The following ACTR3C variants were observed in gnomAD, a reference collection of about 807,000 sequenced individuals.
ACTR3C encodes actin related protein 3C, also known as actin-related protein 3C.
A neutral mutation model predicts 26.3 loss-of-function variants in ACTR3C; 18 were observed. That is an observed-to-expected ratio of 0.68 (90% confidence interval 0.47 to 1.01). The LOEUF (loss-of-function observed/expected upper bound fraction) is 1.01, where lower values mean the gene tolerates loss of function less well. Among genes scored for constraint, ACTR3C ranks in the 50% least tolerant of loss-of-function variants. ACTR3C has a pLI of 0.00. For synonymous variants in ACTR3C, 55 were observed against 94.5 expected, an observed-to-expected ratio of 0.58 and a Z score of 2.42; for missense variants, 184 against 250.7, an observed-to-expected ratio of 0.73 and a Z score of 1.80.
the ACTR3C span, among the ~76,000 whole-genome samples, chr7:150,016,214 C>G: frequency 4.5e-4 from 68 of 152,098 alleles, no homozygotes; most frequent in Non-Finnish European, 3.5e-4. Context: ...TGGCTCAAGC[C>G]TCCATCAACA....
the ACTR3C span, among the ~76,000 whole-genome samples, chr7:150,086,108 C>CA: frequency 6.6e-6 from 1 of 152,074 alleles, no homozygotes; most frequent in Admixed American, 6.6e-5. Context: ...CTCAGCCTCC[C>CA]AAGTAGCTGG....
intron 6 of ACTR3C, among the ~76,000 whole-genome samples, chr7:150,255,339 A>G (rs1273090670): frequency 1.4e-5 from 2 of 148,064 alleles, no homozygotes; most frequent in Non-Finnish European, 3.0e-5. Context: ...GATGCCCAGC[A>G]TATCTGAACT....
the ACTR3C span, among the ~76,000 whole-genome samples, chr7:150,051,944 T>C: frequency 1.3e-5 from 2 of 152,234 alleles, no homozygotes; most frequent in Non-Finnish European, 2.9e-5. Flanking sequence ...TCTGAGAGAA[T>C]TATATCCTGT....
At chr7:149,966,794 G>C in the ACTR3C span, among the ~76,000 whole-genome samples, 1 of 152,022 alleles carries the variant, frequency 6.6e-6, no homozygotes, top group Non-Finnish European at 1.5e-5. Context: ...GTTCCTCTTT[G>C]TCTTCTAGCT....
chr7:150,195,604 C>T, the ACTR3C span, among the ~76,000 whole-genome samples: 7 of 152,350 alleles, frequency 4.6e-5, no homozygotes, highest in South Asian at 2.1e-4. Flanking sequence ...GGGGGCCAGG[C>T]GTGATAGCTC....
chr7:150,125,591 C>T, the ACTR3C span, among the ~76,000 whole-genome samples: 1 of 151,852 alleles, frequency 6.6e-6, no homozygotes, highest in African/African-American at 2.4e-5. Flanking sequence ...AGGATTCTTG[C>T]TTTTTTTGCA....
rs1836628375 is a variant in ACTR3C at position 150,295,135 on chromosome 7, G to A, written c.45+117C>T. Reference sequence around the variant, plus strand: ...GAATGGCATGGGGACGGGGGAGGGAGTGGAAAAAGGAAGGGCACACAGCGC... The same window carrying A: ...GAATGGCATGGGGACGGGGGAGGGAATGGAAAAAGGAAGGGCACACAGCGC... On this transcript the variant is annotated intron_variant, in intron 2 of 7. Transcript: ENST00000683684. The A allele has an allele frequency of 6.5e-6, 8 of 1,239,910 alleles. No homozygotes were observed. The East Asian group carries it at 1.3e-4, about 20-fold the overall frequency. 76.8% of individuals were successfully genotyped at this position (1,239,910 alleles called of 1,614,324 possible).
chr7:149,954,449 G>T, the ACTR3C span, among the ~76,000 whole-genome samples: 1 of 152,060 alleles, frequency 6.6e-6, no homozygotes, highest in African/African-American at 2.4e-5. Context: ...CACATATTTG[G>T]GGGGACATAT....
the ACTR3C span, among the ~76,000 whole-genome samples, chr7:150,008,054 C>T: frequency 1.3e-5 from 2 of 152,038 alleles, no homozygotes; most frequent in African/African-American, 2.4e-5. Context: ...ACGTCTTAAA[C>T]GAAAGAAAAA....
chr7:150,035,912 C>T, the ACTR3C span, among the ~76,000 whole-genome samples: 769 of 72,518 alleles, frequency 0.011, 34 homozygotes, highest in Middle Eastern at 0.091. Flanking sequence ...CCCACCCTCG[C>T]GGGGGGTGCC....
At chr7:149,968,720 T>C in the ACTR3C span, among the ~76,000 whole-genome samples, 1 of 152,046 alleles carries the variant, frequency 6.6e-6, no homozygotes, top group African/African-American at 2.4e-5. Flanking sequence ...TACGGTCCAA[T>C]AGCCATAGTC....
chr7:149,884,624 A>G, the ACTR3C span, among the ~76,000 whole-genome samples: 38 of 152,170 alleles, frequency 2.5e-4, no homozygotes, highest in Admixed American at 1.2e-3. Context: ...CTTAAGCCAA[A>G]CAAAACAACC....
the ACTR3C span, among the ~76,000 whole-genome samples, chr7:149,899,908 A>AAAG: frequency 6.8e-6 from 1 of 147,722 alleles, no homozygotes; most frequent in Non-Finnish European, 1.5e-5. Flanking sequence ...GACCAAAAAA[A>AAAG]AAAAAAAATT....
At chr7:150,178,401 A>G in the ACTR3C span, among the ~76,000 whole-genome samples, 21 of 149,196 alleles carry the variant, frequency 1.4e-4, 1 homozygote, top group African/African-American at 5.4e-4. Context: ...TCCTGCCTCA[A>G]CCTTCCGACT....
chr7:150,039,394 G>A, the ACTR3C span, among the ~76,000 whole-genome samples: 1 of 71,446 alleles, frequency 1.4e-5, no homozygotes, highest in Non-Finnish European at 3.2e-5. Context: ...AAGAACCCGG[G>A]GGGGAAGAGG....
chr7:149,889,985 GA>G, the ACTR3C span, among the ~76,000 whole-genome samples: 1 of 151,666 alleles, frequency 6.6e-6, no homozygotes, highest in Admixed American at 6.6e-5. Context: ...CACAGCCAGG[GA>G]AAAAAAATCA....
intron 6 of ACTR3C, among the ~76,000 whole-genome samples, chr7:150,263,723 G>C (rs1299701663): frequency 2.0e-5 from 3 of 152,142 alleles, no homozygotes. Flanking sequence ...AACAGTCTTT[G>C]CCTTTCAGAG....
At chr7:150,226,223 A>T in the ACTR3C span, among the ~76,000 whole-genome samples, 1 of 152,170 alleles carries the variant, frequency 6.6e-6, no homozygotes, top group East Asian at 1.9e-4. Flanking sequence ...TAGGAAAGTG[A>T]TTGCTGGATC....
At chr7:150,291,410 C>T (rs1476357458) in intron 3 of ACTR3C, among the ~76,000 whole-genome samples, 1 of 152,018 alleles carries the variant, frequency 6.6e-6, no homozygotes, top group Non-Finnish European at 1.5e-5. Flanking sequence ...GCCTGGACAA[C>T]AAGAGTGAAA....
Sources: allele counts gnomAD v4.1 joint callset (sites outside exome capture counted in the v4.1 genomes callset), GRCh38; gene constraint gnomAD v4.1.1; transcripts MANE v1.5; gene names NCBI Gene and HGNC (gene_info 2026-07-23, HGNC 2026-07-21).